GPRASP2: variants seen among roughly 807,000 people sequenced by gnomAD.
The protein encoded by GPRASP2 is G protein-coupled receptor-associated sorting protein 2.
GPRASP2 carries 10 observed loss-of-function variants against 36.0 expected under a neutral mutation model. The ratio of observed to expected loss-of-function variants is 0.28; its 90% CI spans 0.17 to 0.47. The LOEUF (loss-of-function observed/expected upper bound fraction) is 0.47, where lower values mean the gene tolerates loss of function less well. Ranked by LOEUF, GPRASP2 falls within the 20% of genes least tolerant of loss-of-function variation. GPRASP2 has a pLI of 0.99. For synonymous variants in GPRASP2, 219 were observed against 230.5 expected (o/e 0.95, Z 0.45); for missense variants, 538 against 626.7 (o/e 0.86, Z 1.51).
rs1569491554 is a variant in GPRASP2 at position 102,715,798 on chromosome X, A to G, written c.929A>G (p.Glu310Gly). The G allele has an allele frequency of 2.5e-6, 3 of 1,211,913 alleles. No homozygotes were observed. The highest frequency in any genetic ancestry group is 3.3e-6 in the Non-Finnish European group (3 of 895,575). ...AACTTGTTCAGGCCCAGAGTCAGGG[A>G]GGAGGCAAATATCAGGTCCAAGCTC... ...TNNLFRPRVR[E>G]EANIRSKLRT... Residue 310 changes from glutamate (E) to glycine (G), a missense_variant, in exon 5 of 5, where the codon GAG (glutamate) becomes GGG (glycine). Physicochemically the swap from Glu to Gly is moderately conservative, Grantham distance 98. Transcript: ENST00000483720.
Position 102,715,074 on chromosome X carries a change from A to G in GPRASP2, c.205A>G (p.Met69Val). The G allele has an allele frequency of 8.2e-7, 1 of 1,212,488 alleles. No homozygotes were observed. Among genetic ancestry groups the G allele is most frequent in the Non-Finnish European group, 1.1e-6 (1 of 895,591 alleles). The change falls in exon 5 of 5, where the codon ATG becomes GTG. Residue 69 changes from methionine (M) to valine (V), a missense_variant. Coordinates refer to ENST00000483720, the MANE Select transcript of GPRASP2 (RefSeq NM_001004051.4). ...AARPKTEAQA[M>V]SGARPKTEVQ... The stretch of plus-strand genomic sequence containing the variant: ...AAGGCCCAAAACTGAGGCCCAAGCA[A>G]TGTCTGGGGCAAGGCCCAAAACTGA...
chrX:102,714,374 C>T (rs1003461020), intron 4 of GPRASP2, 108 bp downstream of exon 4: 2 of 118,434 alleles, frequency 1.7e-5, no homozygotes, highest in African/African-American at 6.5e-5. Flanking sequence ...CCATTGCCGA[C>T]ACACTTTCCC....
Position 102,715,407 on chromosome X carries a change from G to A in GPRASP2, c.538G>A (p.Ala180Thr), listed in dbSNP as rs1440930194. Residue 180 changes from alanine to threonine, a missense_variant, in exon 5 of 5, where the codon GCT becomes ACT. Ala to Thr is a moderately conservative substitution (Grantham distance 58, BLOSUM62 0). Coordinates refer to ENST00000483720, the MANE Select transcript of GPRASP2 (RefSeq NM_001004051.4). ...SMDRELVNVD[A>T]ETFPGTQGQK... ...GGATAGAGAACTAGTCAATGTGGAT[G>A]CTGAAACCTTTCCTGGCACCCAGGG... is the stretch of plus-strand genomic sequence containing the variant. 1 of 1,212,361 alleles carries A rather than the reference G, an allele frequency of 8.2e-7. No individual in the cohort carries two copies.
At position 102,716,840 on chromosome X, in the gene GPRASP2, T is replaced by G. The variant is rs771754041; in HGVS notation, c.1971T>G (p.Ser657Arg). ...LNYPSSRVRT[S>R]FLENMIHMAP... ...ATCCATCCTCTAGAGTTAGGACAAGTTTTTTGGAAAATATGATTCACATGG... is the reference window on the plus strand; with the variant it reads ...ATCCATCCTCTAGAGTTAGGACAAGGTTTTTGGAAAATATGATTCACATGG... The change falls in exon 5 of 5, where the codon AGT (serine) becomes AGG (arginine). Residue 657 changes from serine to arginine, a missense_variant. Ser to Arg is a moderately radical substitution (Grantham distance 110). Around this residue, in one of 2 missense-constraint regions of GPRASP2, gnomAD observed 262 missense variants for 351.7 expected, o/e 0.74. Coordinates refer to ENST00000483720, the MANE Select transcript of GPRASP2 (RefSeq NM_001004051.4). 1 of 1,212,145 alleles carries G rather than the reference T, an allele frequency of 8.2e-7. No individual in the cohort carries two copies. The highest frequency in any genetic ancestry group is 1.8e-5 in the South Asian group (1 of 57,001).
rs138728937 is a variant in GPRASP2 at position 102,715,009 on chromosome X, G to C, written c.140G>C (p.Gly47Ala). 1.2e-4 allele frequency: 142 copies of C among 1,211,410 alleles called. No homozygotes were observed. In the African/African-American group the frequency reaches 1.6e-3, roughly 13 times the overall value. The change falls in exon 5 of 5, where the codon GGG becomes GCG. Residue 47 changes from glycine to alanine, a missense_variant. Physicochemically the swap from Gly to Ala is moderately conservative, Grantham distance 60. Around this residue, in one of 2 missense-constraint regions of GPRASP2, gnomAD observed 276 missense variants for 275.0 expected, o/e 1.00. Transcript: ENST00000483720. Reference sequence around the variant, plus strand: ...AAGGTTAGGACCCAGGCAACTACTGGGGCAAGGCCCAAAACTGAGACCAAG... The same window carrying C: ...AAGGTTAGGACCCAGGCAACTACTGCGGCAAGGCCCAAAACTGAGACCAAG... Reference protein sequence around the residue: ...RPKVRTQATTGARPKTETKSV... With the variant: ...RPKVRTQATTAARPKTETKSV...
intron 1 of GPRASP2, 182 bp from the exon 2 acceptor site, chrX:102,712,948 G>T (rs987913520): frequency 8.9e-6 from 1 of 112,708 alleles, no homozygotes; most frequent in African/African-American, 3.2e-5. Flanking sequence ...GGCCGTTGGG[G>T]GGCGCCCGGC....
chrX:102,717,241 T>A lies in GPRASP2; in HGVS notation c.2372T>A (p.Ile791Lys), dbSNP rs911700361. 3.7e-5 allele frequency: 41 copies of A among 1,109,329 alleles called. No individual in the cohort carries two copies. The highest frequency in any genetic ancestry group is 5.5e-5 in the African/African-American group (3 of 54,133). The allele number at this position is 1,109,329 out of a possible 1,213,427, so 91.4% of individuals were successfully genotyped here. Residue 791 changes from isoleucine (I) to lysine (K), a missense_variant, in exon 5 of 5, where the codon ATA (isoleucine) becomes AAA (lysine). By Grantham distance (102) the Ile-to-Lys change is moderately radical. This residue lies in a region of GPRASP2 where 262 missense variants were observed against 351.7 expected (regional missense o/e 0.74). Transcript: ENST00000483720. ...ATGTTTCAGAATATCAGTAACATTA[T>A]AAAAAGTGGAAAGATGTCCTTAATT... ...IKMFQNISNI[I>K]KSGKMSLIDD...
Position 102,715,714 on chromosome X carries a change from C to T in GPRASP2, c.845C>T (p.Ser282Phe), listed in dbSNP as rs981954799. 5 of 1,210,317 alleles carry T rather than the reference C, an allele frequency of 4.1e-6. No homozygotes were observed. In the African/African-American group the frequency reaches 7.0e-5, roughly 17 times the overall value. ...SKQEAYVDSW[S>F]GSEDEASNPF... is the part of the protein sequence containing the mutation. ...CAAGAAGCCTATGTTGATTCCTGGT[C>T]TGGATCTGAGGATGAGGCCAGCAAC... Residue 282 changes from serine to phenylalanine, a missense_variant, in exon 5 of 5, where the codon TCT becomes TTT. By Grantham distance (155) the Ser-to-Phe change is radical (BLOSUM62 -2). Around this residue, in one of 2 missense-constraint regions of GPRASP2, gnomAD observed 276 missense variants for 275.0 expected, o/e 1.00. Coordinates refer to ENST00000483720, the MANE Select transcript of GPRASP2 (RefSeq NM_001004051.4).
chrX:102,715,145 A>G lies in GPRASP2; in HGVS notation c.276A>G (p.Gly92=). The G allele has an allele frequency of 2.5e-6, 3 of 1,212,538 alleles. No individual in the cohort carries two copies. Among genetic ancestry groups the G allele is most frequent in the Non-Finnish European group, 3.3e-6 (3 of 895,646 alleles). ...GGARPKTEAQ[G]ITGARPKTDA... ...CAAGACCCAAAACGGAGGCTCAAGG[A>G]ATCACAGGGGCCAGGCCCAAAACCG... The change falls in exon 5 of 5, where the codon GGA becomes GGG. Residue 92 remains glycine, a synonymous_variant. Coordinates refer to ENST00000483720, the MANE Select transcript of GPRASP2 (RefSeq NM_001004051.4).
intron 4 of GPRASP2, 119 bp from the exon 5 acceptor site, chrX:102,714,418 G>A (rs2081928249): frequency 8.1e-6 from 1 of 122,818 alleles, no homozygotes; most frequent in Non-Finnish European, 1.7e-5. Context: ...GGAGGCAGCC[G>A]GTCCAGAGAG....
rs774516229 is a variant in GPRASP2 at position 102,717,395 on chromosome X, A to C, written c.*9A>C. ...TGGGACAACAAAGTTAATATGATTA[A>C]CCACCTGCCGCTGATCAGCCTTATG... On this transcript the variant is annotated 3_prime_UTR_variant, in exon 5 of 5. Transcript: ENST00000483720. The C allele has an allele frequency of 7.6e-6, 8 of 1,054,815 alleles. No homozygotes were observed. The highest frequency in any genetic ancestry group is 1.2e-6 in the Non-Finnish European group (1 of 815,089). 86.9% of individuals were successfully genotyped at this position (1,054,815 alleles called of 1,213,427 possible). A position where few individuals can be genotyped will look rare whatever the true frequency, so the allele number is the denominator to read the frequency against.
intron 2 of GPRASP2, among the ~76,000 whole-genome samples, chrX:102,713,435 T>C (rs1257673535): frequency 8.9e-6 from 1 of 112,635 alleles, no homozygotes; most frequent in East Asian, 2.8e-4. Context: ...GAGGGAGACA[T>C]ACTGACAAGT....
At position 102,715,197 on chromosome X, in the gene GPRASP2, T is replaced by C. The variant is rs2081943667; in HGVS notation, c.328T>C (p.Ser110Pro). The C allele has an allele frequency of 8.3e-7, 1 of 1,211,159 alleles. No homozygotes were observed. The change falls in exon 5 of 5, where the codon TCT (serine) becomes CCT (proline). Residue 110 changes from serine to proline, a missense_variant. Around this residue, in one of 2 missense-constraint regions of GPRASP2, gnomAD observed 276 missense variants for 275.0 expected, o/e 1.00. Coordinates refer to ENST00000483720, the MANE Select transcript of GPRASP2 (RefSeq NM_001004051.4). ...TDARAVGGARSKTDAKAIPGA... is the reference protein window; with the variant it reads ...TDARAVGGARPKTDAKAIPGA... Reference sequence around the variant, plus strand: ...TGCCAGGGCAGTAGGTGGCGCTCGTTCTAAAACTGATGCCAAGGCAATCCC... The same window carrying C: ...TGCCAGGGCAGTAGGTGGCGCTCGTCCTAAAACTGATGCCAAGGCAATCCC...
At position 102,716,253 on chromosome X, in the gene GPRASP2, G is replaced by A. The variant is rs758916906; in HGVS notation, c.1384G>A (p.Asp462Asn). The change falls in exon 5 of 5, where the codon GAC becomes AAC. Residue 462 changes from aspartate to asparagine, a missense_variant. Transcript: ENST00000483720. ...WFWDRDEACF[D>N]LNPCPVYKVS... ...CTGGGACAGAGATGAGGCCTGCTTT[G>A]ACCTAAATCCCTGTCCTGTGTACAA... The A allele has an allele frequency of 8.3e-7, 1 of 1,212,026 alleles. No individual in the cohort carries two copies. Among genetic ancestry groups the A allele is most frequent in the Non-Finnish European group, 1.1e-6 (1 of 895,632 alleles).
In GPRASP2 at chrX:102,715,861, A is replaced by G; in HGVS notation, c.992A>G (p.Glu331Gly). The change falls in exon 5 of 5, where the codon GAA (glutamate) becomes GGA (glycine). Residue 331 changes from glutamate (E) to glycine (G), a missense_variant. By Grantham distance (98) the Glu-to-Gly change is moderately conservative (BLOSUM62 -2). Coordinates refer to ENST00000483720, the MANE Select transcript of GPRASP2 (RefSeq NM_001004051.4). ...NREDCFESES[E>G]DEFYKQSWVL... ...GAAGATTGTTTTGAATCTGAGTCTG[A>G]AGATGAGTTCTATAAGCAGTCCTGG... The G allele has an allele frequency of 8.3e-7, 1 of 1,212,092 alleles. No homozygotes were observed. The highest frequency in any genetic ancestry group is 1.1e-6 in the Non-Finnish European group (1 of 895,613).
In GPRASP2 at chrX:102,715,565, A is replaced by G. The variant is rs774326475; in HGVS notation, c.696A>G (p.Thr232=). The G allele has an allele frequency of 4.1e-6, 5 of 1,210,001 alleles. No homozygotes were observed. Among genetic ancestry groups the G allele is most frequent in the Non-Finnish European group, 5.6e-6 (5 of 895,271 alleles). The part of the protein sequence containing the change: ...SGFWSADETS[T]ASSFWTGEET... ...TCTGGTCAGCAGATGAGACCTCTAC[A>G]GCGTCTTCTTTCTGGACTGGAGAAG... The change falls in exon 5 of 5, where the codon ACA becomes ACG. Residue 232 remains threonine (T), a synonymous_variant. Transcript: ENST00000483720.
At chrX:102,713,369 C>T (rs1298931546) in intron 2 of GPRASP2, among the ~76,000 whole-genome samples, 152 bp downstream of exon 2, 2 of 111,965 alleles carry the variant, frequency 1.8e-5, no homozygotes, top group East Asian at 5.7e-4. Flanking sequence ...CCACCTGTCT[C>T]CCCCACCGTC....
rs151097718 is a variant in GPRASP2 at position 102,716,505 on chromosome X, C to T, written c.1636C>T (p.Pro546Ser). Reference sequence around the variant, plus strand: ...AGAAGAGCAGGAATCTTTGCTTCAGCCTGATCAGCCTAGTCCTGAGTTCAC... The same window carrying T: ...AGAAGAGCAGGAATCTTTGCTTCAGTCTGATCAGCCTAGTCCTGAGTTCAC... ...EGEEQESLLQ[P>S]DQPSPEFTFQ... is the part of the protein sequence containing the mutation. Residue 546 changes from proline to serine, a missense_variant, in exon 5 of 5, where the codon CCT becomes TCT. Physicochemically the swap from Pro to Ser is moderately conservative, Grantham distance 74. This residue lies in a region of GPRASP2 where 262 missense variants were observed against 351.7 expected (regional missense o/e 0.74). Transcript: ENST00000483720. 2.0e-4 allele frequency: 242 copies of T among 1,210,440 alleles called. 1 individual carries two copies. The African/African-American group carries it at 3.5e-3, about 17-fold the overall frequency.
chrX:102,717,282 C>A lies in GPRASP2; in HGVS notation c.2413C>A (p.Leu805Ile). 1 of 1,093,673 alleles carries A rather than the reference C, an allele frequency of 9.1e-7. No individual in the cohort carries two copies. Among genetic ancestry groups the A allele is most frequent in the East Asian group, 3.1e-5 (1 of 31,948 alleles). The allele number at this position is 1,093,673 out of a possible 1,213,427, so 90.1% of individuals were successfully genotyped here. A position where few individuals can be genotyped will look rare whatever the true frequency, so the allele number is the denominator to read the frequency against. Reference sequence around the variant, plus strand: ...GTCCTTAATTGATGATGATTTCAGTCTTGAGCCGCTTATTTCTGCATTTCG... The same window carrying A: ...GTCCTTAATTGATGATGATTTCAGTATTGAGCCGCTTATTTCTGCATTTCG... ...KMSLIDDDFS[L>I]EPLISAFREF... The change falls in exon 5 of 5, where the codon CTT becomes ATT. Residue 805 changes from leucine to isoleucine, a missense_variant. Physicochemically the swap from Leu to Ile is conservative, Grantham distance 5. Around this residue, in one of 2 missense-constraint regions of GPRASP2, gnomAD observed 262 missense variants for 351.7 expected, o/e 0.74. Transcript: ENST00000483720.
Sources: allele counts gnomAD v4.1 joint callset (sites outside exome capture counted in the v4.1 genomes callset), GRCh38; gene constraint gnomAD v4.1.1; regional missense constraint gnomAD v4.1.1; transcripts MANE v1.5; gene names NCBI Gene and HGNC (gene_info 2026-07-23, HGNC 2026-07-21).